The following TMEM260 variants were observed in gnomAD, a reference collection of about 807,000 sequenced individuals.
TMEM260 encodes the protein transmembrane protein 260.
In TMEM260, 82 loss-of-function variants were observed where a neutral mutation model predicts 88.9. The observed-to-expected ratio is 0.92, with a 90% CI of 0.77 to 1.11. TMEM260 has a LOEUF of 1.11. Among genes scored for constraint, TMEM260 ranks in the 50% least tolerant of loss-of-function variants. TMEM260 has a pLI of 0.00. For synonymous variants in TMEM260, 314 were observed against 309.3 expected (o/e 1.02, Z -0.16); for missense variants, 902 against 853.4 (o/e 1.06, Z -0.71).
intron 3 of TMEM260, among the ~76,000 whole-genome samples, chr14:56,595,491 T>G (rs531822618): frequency 6.6e-6 from 1 of 152,264 alleles, no homozygotes; most frequent in Admixed American, 6.5e-5. Context: ...TTTATTTTCT[T>G]TTTTGGAGTC....
At chr14:56,602,912 A>G (rs189807428) in intron 3 of TMEM260, among the ~76,000 whole-genome samples, 2 of 152,318 alleles carry the variant, frequency 1.3e-5, no homozygotes, top group East Asian at 1.9e-4. Context: ...ATAGAATATG[A>G]TAATTGTTGG....
chr14:56,583,942 A>G (rs948941434), intron 1 of TMEM260, among the ~76,000 whole-genome samples: 12 of 152,154 alleles, frequency 7.9e-5, no homozygotes, highest in East Asian at 7.7e-4. Flanking sequence ...TTCAGTAAGC[A>G]GAGAGCAGCC....
chr14:56,589,240 A>T (rs572691377), intron 3 of TMEM260, among the ~76,000 whole-genome samples: 1 of 152,234 alleles, frequency 6.6e-6, no homozygotes, highest in Non-Finnish European at 1.5e-5. Flanking sequence ...ATGATATCAG[A>T]GGAGGGTATA....
chr14:56,592,046 TG>T (rs1885898302), intron 3 of TMEM260, among the ~76,000 whole-genome samples: 1 of 152,228 alleles, frequency 6.6e-6, no homozygotes, highest in Non-Finnish European at 1.5e-5. Flanking sequence ...GTAGTGGTTT[TG>T]AATCAGGAAT....
At chr14:56,587,286 T>G (rs1255933096) in intron 3 of TMEM260, among the ~76,000 whole-genome samples, 1 of 151,954 alleles carries the variant, frequency 6.6e-6, no homozygotes, top group South Asian at 2.1e-4. Context: ...TAGACATATA[T>G]TTAAATGTTA....
At chr14:56,586,725 G>A (rs180880109) in intron 3 of TMEM260, among the ~76,000 whole-genome samples, 11 of 152,086 alleles carry the variant, frequency 7.2e-5, no homozygotes, top group Admixed American at 6.5e-4. Context: ...AATTTGAATA[G>A]GTACAATTTC....
chr14:56,641,397 T>G (rs964522698), intron 15 of TMEM260, among the ~76,000 whole-genome samples: 1 of 152,146 alleles, frequency 6.6e-6, no homozygotes, highest in African/African-American at 2.4e-5. Flanking sequence ...AACCCAGAAC[T>G]TCATATCCAG....
At chr14:56,651,656 C>T (rs1890208894), downstream of TMEM260, among the ~76,000 whole-genome samples, 1 of 152,208 alleles carries the variant, frequency 6.6e-6, no homozygotes. Context: ...TACTCCTATC[C>T]CAGTGATCCA....
At chr14:56,593,496 TTTTATATAAAGTATAAAATTA>T (rs1280235324) in intron 3 of TMEM260, among the ~76,000 whole-genome samples, 1 of 151,962 alleles carries the variant, frequency 6.6e-6, no homozygotes, top group Non-Finnish European at 1.5e-5. Context: ...AAAGTATATT[TTTTATATAAAGTATAAAATTA>T]TTTATATAAA....
intron 15 of TMEM260, among the ~76,000 whole-genome samples, chr14:56,638,559 T>C (rs899159485): frequency 1.1e-4 from 17 of 152,162 alleles, no homozygotes; most frequent in Admixed American, 1.1e-3. Context: ...CAGAGAGCTC[T>C]GTTTTTTTTC....
At chr14:56,621,254 A>G (rs1260931517) in intron 10 of TMEM260, among the ~76,000 whole-genome samples, 1 of 139,926 alleles carries the variant, frequency 7.1e-6, no homozygotes, top group Non-Finnish European at 1.5e-5. Flanking sequence ...CTTAGGGGGA[A>G]AAAAGGACCT....
chr14:56,636,404 AT>A, intron 14 of TMEM260, 103 bp from the exon 15 acceptor site: 1 of 852,878 alleles, frequency 1.2e-6, no homozygotes, highest in Non-Finnish European at 1.9e-6. Context: ...ACAATAAAGG[AT>A]TTTGTACATC....
chr14:56,595,576 C>G (rs1886153996), intron 3 of TMEM260, among the ~76,000 whole-genome samples: 1 of 152,162 alleles, frequency 6.6e-6, no homozygotes, highest in African/African-American at 2.4e-5. Context: ...ACCTCCTGGG[C>G]TCAAGCCATC....
chr14:56,659,257 TTTTG>T, the TMEM260 span, among the ~76,000 whole-genome samples: 1 of 122,848 alleles, frequency 8.1e-6, no homozygotes, highest in Non-Finnish European at 1.8e-5. Flanking sequence ...GTTTTTTGGT[TTTTG>T]TTTTTTTTTT....
At chr14:56,605,530 T>C in intron 4 of TMEM260, 40 bp from the exon 5 acceptor site, 2 of 1,166,038 alleles carry the variant, frequency 1.7e-6, no homozygotes, top group Non-Finnish European at 2.4e-6. Context: ...GAGTTTTAGG[T>C]GAATTTTTTA....
At chr14:56,614,313 G>A (rs1166519051) in intron 7 of TMEM260, among the ~76,000 whole-genome samples, 1 of 150,990 alleles carries the variant, frequency 6.6e-6, no homozygotes, top group Non-Finnish European at 1.5e-5. Context: ...CCAGGAGGTC[G>A]AGGCTGCAGT....
rs1884985562 is a variant in TMEM260, at chr14:56,579,868, G to C, written c.-47G>C. On this transcript the variant is annotated 5_prime_UTR_variant, in exon 1 of 16. Coordinates refer to ENST00000261556, the MANE Select transcript of TMEM260 (RefSeq NM_017799.4). ...CGGCTGGGGAGCTCCGTGTCGCACC[G>C]GGTTCTTGGGCTGGCCGTGTCCTTC... 1 of 1,230,768 alleles carries C rather than the reference G, an allele frequency of 8.1e-7. No homozygotes were observed. Among genetic ancestry groups the C allele is most frequent in the African/African-American group, 1.6e-5 (1 of 64,378 alleles). 76.2% of individuals were successfully genotyped at this position (1,230,768 alleles called of 1,614,324 possible). A position where few individuals can be genotyped will look rare whatever the true frequency, so the allele number is the denominator to read the frequency against.
intron 12 of TMEM260, among the ~76,000 whole-genome samples, chr14:56,627,987 T>C (rs1463798220): frequency 1.3e-5 from 2 of 152,234 alleles, no homozygotes; most frequent in African/African-American, 4.8e-5. Context: ...CTGAGTGTCA[T>C]ATAAATAGAA....
rs756068451 is a variant in TMEM260 at position 56,636,578 on chromosome 14, C to T, written c.1849C>T (p.Leu617Phe). 3 of 1,613,948 alleles carry T rather than the reference C, an allele frequency of 1.9e-6. No homozygotes were observed. The South Asian group carries it at 3.3e-5, about 18-fold the overall frequency. ...CATGCCTTCAAAAGTGAAAGCTCAA[C>T]TCTACGCTCAAGCATATGACGTATG... ...AHMPSKVKAQ[L>F]YAQAYDLYKE... Residue 617 changes from leucine to phenylalanine, a missense_variant, in exon 15 of 16, where the codon CTC (leucine) becomes TTC (phenylalanine). Physicochemically the swap from Leu to Phe is conservative, Grantham distance 22 (BLOSUM62 0). Coordinates refer to ENST00000261556, the MANE Select transcript of TMEM260 (RefSeq NM_017799.4).
Sources: gnomAD v4.1 joint callset for allele counts (sites outside exome capture counted in the v4.1 genomes callset) on GRCh38, gnomAD v4.1.1 for gene constraint, MANE v1.5 for transcripts, NCBI Gene and HGNC (gene_info 2026-07-23, HGNC 2026-07-21) for gene names.